The following UTS2B variants were observed in gnomAD, a reference collection of about 807,000 sequenced individuals.
UTS2B encodes urotensin-2B.
Under a neutral mutation model 19.2 loss-of-function variants are expected in UTS2B, and 21 were observed. The observed-to-expected ratio is 1.09, with a 90% CI of 0.78 to 1.58. The LOEUF is 1.58. Among genes scored for constraint, UTS2B ranks in the 40% most tolerant of loss-of-function variants. UTS2B has a pLI of 0.00. For synonymous variants in UTS2B, 57 were observed against 50.2 expected, an observed-to-expected ratio of 1.14 and a Z score of -0.58; for missense variants, 138 against 130.3, an observed-to-expected ratio of 1.06 and a Z score of -0.29.
chr3:191,285,624 C>T (rs533822404), intron 4 of UTS2B, among the ~76,000 whole-genome samples: 12 of 151,990 alleles, frequency 7.9e-5, no homozygotes, highest in East Asian at 3.9e-4. Context: ...AAAGTGCGCC[C>T]GGCTCGGTGG....
At chr3:191,331,745 C>T (rs1185417351), upstream of UTS2B, among the ~76,000 whole-genome samples, 1 of 152,146 alleles carries the variant, frequency 6.6e-6, no homozygotes, top group East Asian at 1.9e-4. Context: ...TAAAGTGTAT[C>T]CTTCCCTAAT....
At chr3:191,321,891 G>T (rs1400194750) in intron 2 of UTS2B, among the ~76,000 whole-genome samples, 1 of 152,162 alleles carries the variant, frequency 6.6e-6, no homozygotes, top group African/African-American at 2.4e-5. Flanking sequence ...GCCAGGCGTG[G>T]TGGCGGGTGC....
At chr3:191,298,096 G>A (rs1323585292) in intron 4 of UTS2B, among the ~76,000 whole-genome samples, 1 of 152,088 alleles carries the variant, frequency 6.6e-6, no homozygotes, top group Non-Finnish European at 1.5e-5. Flanking sequence ...TTGCCTAGTT[G>A]TAGCATATAT....
chr3:191,273,212 T>C (rs1048769762), intron 8 of UTS2B, among the ~76,000 whole-genome samples: 2 of 152,160 alleles, frequency 1.3e-5, no homozygotes, highest in African/African-American at 4.8e-5. Flanking sequence ...GACTAGTAAA[T>C]ATATCCTGGA....
At chr3:191,292,045 T>C (rs1284134276) in intron 4 of UTS2B, among the ~76,000 whole-genome samples, 1 of 152,142 alleles carries the variant, frequency 6.6e-6, no homozygotes, top group African/African-American at 2.4e-5. Flanking sequence ...AATGGTCTAT[T>C]GTGAAAAGCT....
intron 2 of UTS2B, among the ~76,000 whole-genome samples, chr3:191,327,681 C>A (rs996557430): frequency 4.6e-5 from 7 of 152,156 alleles, no homozygotes; most frequent in African/African-American, 1.7e-4. Context: ...TGGTCAATCA[C>A]AACAGGAAGC....
chr3:191,303,242 G>A (rs1170418673), intron 4 of UTS2B, among the ~76,000 whole-genome samples: 5 of 152,120 alleles, frequency 3.3e-5, no homozygotes, highest in African/African-American at 1.2e-4. Context: ...TAGGACCCAC[G>A]TGCATATCCA....
intron 2 of UTS2B, among the ~76,000 whole-genome samples, chr3:191,320,944 G>A (rs1717596734): frequency 1.3e-5 from 2 of 152,348 alleles, no homozygotes; most frequent in Admixed American, 6.5e-5. Flanking sequence ...CCAACTGATA[G>A]TATTAAGAGG....
intron 4 of UTS2B, among the ~76,000 whole-genome samples, chr3:191,299,848 C>CTTTTA (rs1716948404): frequency 6.6e-6 from 1 of 152,196 alleles, no homozygotes; most frequent in Non-Finnish European, 1.5e-5. Flanking sequence ...GGGCTGAACC[C>CTTTTA]TGCAAAGTCA....
intron 4 of UTS2B, among the ~76,000 whole-genome samples, chr3:191,283,850 CCT>C (rs1040485977): frequency 3.8e-4 from 58 of 152,244 alleles, no homozygotes; most frequent in African/African-American, 1.3e-3. Flanking sequence ...CATTTCAAAA[CCT>C]CTGTCATTCA....
At chr3:191,342,571 G>A in the UTS2B span, among the ~76,000 whole-genome samples, 2 of 152,298 alleles carry the variant, frequency 1.3e-5, no homozygotes, top group Non-Finnish European at 2.9e-5. Context: ...AGCTGGGCTG[G>A]AAGTGATCTT....
At chr3:191,330,225 G>A (rs1473906386) in intron 1 of UTS2B, among the ~76,000 whole-genome samples, 189 bp downstream of exon 1, 1 of 151,842 alleles carries the variant, frequency 6.6e-6, no homozygotes, top group South Asian at 2.1e-4. Flanking sequence ...CCTTCCTCAA[G>A]GTTTAAAAGT....
the UTS2B span, among the ~76,000 whole-genome samples, chr3:191,337,302 C>T: frequency 6.6e-6 from 1 of 151,966 alleles, no homozygotes; most frequent in African/African-American, 2.4e-5. Context: ...TATAATGATG[C>T]CCTTGGGAAT....
intron 4 of UTS2B, among the ~76,000 whole-genome samples, chr3:191,294,116 C>G (rs1716795125): frequency 7.4e-6 from 1 of 134,964 alleles, no homozygotes; most frequent in African/African-American, 2.6e-5. Context: ...CTCAAAAAAA[C>G]AAAAACAAAA....
chr3:191,282,739 C>A (rs1439624757), intron 4 of UTS2B, among the ~76,000 whole-genome samples: 1 of 152,112 alleles, frequency 6.6e-6, no homozygotes, highest in Non-Finnish European at 1.5e-5. Context: ...TTGTTCTTAA[C>A]CAACTGAATA....
At chr3:191,343,367 A>G in the UTS2B span, among the ~76,000 whole-genome samples, 3 of 152,238 alleles carry the variant, frequency 2.0e-5, no homozygotes, top group African/African-American at 7.2e-5. Context: ...TTCCTTGTGC[A>G]ATAAATATTC....
chr3:191,344,545 T>G, the UTS2B span, among the ~76,000 whole-genome samples: 1 of 152,332 alleles, frequency 6.6e-6, no homozygotes, highest in South Asian at 2.1e-4. Flanking sequence ...ATATTGATTT[T>G]GGTTCAGCTT....
At chr3:191,333,866 AT>A (rs925732993), upstream of UTS2B, among the ~76,000 whole-genome samples, 2 of 152,016 alleles carry the variant, frequency 1.3e-5, no homozygotes, top group Admixed American at 1.3e-4. Flanking sequence ...AAAACTTCGA[AT>A]TTTTTTCTAA....
At chr3:191,320,282 C>T (rs983467041) in intron 2 of UTS2B, among the ~76,000 whole-genome samples, 1 of 152,164 alleles carries the variant, frequency 6.6e-6, no homozygotes, top group African/African-American at 2.4e-5. Flanking sequence ...TATTGGCATA[C>T]AGGGTCTTTC....
Sources: allele counts gnomAD v4.1 joint callset (sites outside exome capture counted in the v4.1 genomes callset), GRCh38; gene constraint gnomAD v4.1.1; transcripts MANE v1.5; gene names NCBI Gene and HGNC (gene_info 2026-07-23, HGNC 2026-07-21).